PLOD2: variants seen among roughly 807,000 people sequenced by gnomAD.
The protein encoded by PLOD2 is procollagen-lysine,2-oxoglutarate 5-dioxygenase 2.
Under a neutral mutation model 101.0 loss-of-function variants are expected in PLOD2, and 65 were observed. The observed-to-expected ratio is 0.64, with a 90% CI of 0.53 to 0.79. PLOD2 has a LOEUF of 0.79. PLOD2 is among the 30% of genes least tolerant of loss of function. The pLI is 0.00. For missense variants in PLOD2, 909 were observed against 914.6 expected, an observed-to-expected ratio of 0.99 and a Z score of 0.08; for synonymous variants, 314 against 302.9, an observed-to-expected ratio of 1.04 and a Z score of -0.38.
At chr3:146,097,669 C>A (rs36160119) in intron 7 of PLOD2, among the ~76,000 whole-genome samples, 5 of 123,650 alleles carry the variant, frequency 4.0e-5, no homozygotes, top group African/African-American at 1.6e-4. Context: ...TGCGGAAGGC[C>A]GCAGGGTCCT....
intron 14 of PLOD2, 117 bp downstream of exon 14, chr3:146,077,745 A>T: frequency 1.6e-6 from 1 of 633,386 alleles, no homozygotes; most frequent in Non-Finnish European, 2.7e-6. Flanking sequence ...ACTGATGAAA[A>T]TCAACATTTT....
chr3:146,104,152 CAAT>C (rs1275056611), intron 6 of PLOD2, 124 bp downstream of exon 6: 1 of 714,806 alleles, frequency 1.4e-6, no homozygotes, highest in African/African-American at 1.8e-5. Context: ...TGTTAAGTTA[CAAT>C]AATTACAATA....
In PLOD2 at chr3:146,071,109, C is replaced by T. The variant is rs144675042; in HGVS notation, c.2054G>A (p.Arg685His). 2.5e-5 allele frequency: 41 copies of T among 1,610,124 alleles called. No individual in the cohort carries two copies. The highest frequency in any genetic ancestry group is 1.6e-4 in the Middle Eastern group (1 of 6,066). ...AAATGTAGAAGCATCATGATGAGGA[C>T]GAAGAGAACGCTGTCGTTCAGGGGA... ...KYSPERQRSLRPHHDASTFTI... is the reference protein window; with the variant it reads ...KYSPERQRSLHPHHDASTFTI... Residue 685 changes from arginine to histidine, a missense_variant, in exon 19 of 20, where the codon CGT becomes CAT. Physicochemically the swap from Arg to His is conservative, Grantham distance 29. Coordinates refer to ENST00000282903, the MANE Select transcript of PLOD2 (RefSeq NM_182943.3).
chr3:146,112,636 A>G (rs978588397), intron 3 of PLOD2, among the ~76,000 whole-genome samples: 1 of 152,124 alleles, frequency 6.6e-6, no homozygotes, highest in Non-Finnish European at 1.5e-5. Flanking sequence ...GCGGATCATG[A>G]GGTCAAGAGA....
At chr3:146,112,994 T>TAAAA (rs1170130442) in intron 3 of PLOD2, among the ~76,000 whole-genome samples, 4 of 152,040 alleles carry the variant, frequency 2.6e-5, no homozygotes, top group Non-Finnish European at 4.4e-5. Context: ...ATTTAAAAAT[T>TAAAA]AAAAAAAGTT....
chr3:146,084,277 C>T (rs1936680726), intron 11 of PLOD2, among the ~76,000 whole-genome samples: 1 of 151,912 alleles, frequency 6.6e-6, no homozygotes, highest in African/African-American at 2.4e-5. Flanking sequence ...TATAACACAG[C>T]TATACAGTTG....
At chr3:146,143,040 G>A (rs2031601161) in intron 1 of PLOD2, among the ~76,000 whole-genome samples, 1 of 152,064 alleles carries the variant, frequency 6.6e-6, no homozygotes, top group East Asian at 1.9e-4. Flanking sequence ...CTGACATTTT[G>A]CAGAATGCTT....
chr3:146,114,041 C>G (rs1160042171), intron 3 of PLOD2, among the ~76,000 whole-genome samples: 1 of 152,166 alleles, frequency 6.6e-6, no homozygotes, highest in Non-Finnish European at 1.5e-5. Context: ...TAGCCCCAGT[C>G]TCTGGTAGCA....
intron 3 of PLOD2, among the ~76,000 whole-genome samples, chr3:146,113,723 T>G (rs1211106211): frequency 6.6e-6 from 1 of 152,150 alleles, no homozygotes; most frequent in Non-Finnish European, 1.5e-5. Flanking sequence ...GATGATTGCA[T>G]TAACTGTGCA....
rs960227040 is a variant in PLOD2 at position 146,121,107 on chromosome 3, C to T, written c.338+5G>A. The T allele has an allele frequency of 6.3e-7, 1 of 1,584,986 alleles. No individual in the cohort carries two copies. The highest frequency in any genetic ancestry group is 1.7e-5 in the Admixed American group (1 of 59,934). ...ATTTTAAAATCCACAGGGTGTTTCT[C>T]CTACCATTCAGTAAACATGACAACC... is the stretch of plus-strand genomic sequence containing the variant. On this transcript the variant is annotated splice_donor_5th_base_variant and intron_variant, in intron 3 of 19. Coordinates refer to ENST00000282903, the MANE Select transcript of PLOD2 (RefSeq NM_182943.3).
chr3:146,124,132 C>T lies in PLOD2; in HGVS notation c.201+6G>A. The T allele has an allele frequency of 1.4e-6, 2 of 1,438,870 alleles. No individual in the cohort carries two copies. Among genetic ancestry groups the T allele is most frequent in the Admixed American group, 3.4e-5 (2 of 59,650 alleles). 89.1% of individuals were successfully genotyped at this position (1,438,870 alleles called of 1,614,324 possible). ...GGATCTTCATAGGTTAAAGGATATACCATACCTTCACAGTATAATTGAAAT... is the reference window on the plus strand; with the variant it reads ...GGATCTTCATAGGTTAAAGGATATATCATACCTTCACAGTATAATTGAAAT... On this transcript the variant is annotated splice_donor_region_variant and intron_variant, in intron 2 of 19. Coordinates refer to ENST00000282903, the MANE Select transcript of PLOD2 (RefSeq NM_182943.3).
intron 19 of PLOD2, 44 bp from the exon 20 acceptor site, chr3:146,070,916 C>G (rs1936102361): frequency 6.4e-7 from 1 of 1,554,424 alleles, no homozygotes; most frequent in South Asian, 1.1e-5. Flanking sequence ...TATATTTAAC[C>G]AGTGGCAAAA....
rs1011833515 is a variant in PLOD2 at position 146,071,565 on chromosome 3, G to A, written c.1849-142C>T. 19 of 770,842 alleles carry A rather than the reference G, an allele frequency of 2.5e-5. No homozygotes were observed. The African/African-American group carries it at 3.4e-4, about 14-fold the overall frequency. 47.8% of individuals were successfully genotyped at this position (770,842 alleles called of 1,614,324 possible). On this transcript the variant is annotated intron_variant, in intron 17 of 19. Coordinates refer to ENST00000282903, the MANE Select transcript of PLOD2 (RefSeq NM_182943.3). ...ATGTGGTATATCATCTGCTTTAACT[G>A]TAAAATTATCAAAATAACTTAGGTA...
chr3:146,157,899 T>C (rs368507316), intron 1 of PLOD2, among the ~76,000 whole-genome samples: 1 of 152,340 alleles, frequency 6.6e-6, no homozygotes, highest in East Asian at 1.9e-4. Flanking sequence ...TTTGCATCAG[T>C]AGATAGGGAC....
At chr3:146,077,961 A>C (rs1431818052) in intron 13 of PLOD2, 37 bp from the exon 14 acceptor site, 1 of 1,092,148 alleles carries the variant, frequency 9.2e-7, no homozygotes, top group South Asian at 1.2e-5. Context: ...GTTGACCTGT[A>C]CACCCGCTCT....
chr3:146,088,606 T>C lies in PLOD2; in HGVS notation c.985A>G (p.Lys329Glu). The C allele has an allele frequency of 6.3e-7, 1 of 1,580,566 alleles. No homozygotes were observed. The highest frequency in any genetic ancestry group is 8.7e-7 in the Non-Finnish European group (1 of 1,150,432). ...CTTACTTTGTTATGAATAAAAAGTTTAAGTGCTTCTTTTGGGTAATCCAGT... is the reference window on the plus strand; with the variant it reads ...CTTACTTTGTTATGAATAAAAAGTTCAAGTGCTTCTTTTGGGTAATCCAGT... ...LTLDYPKEALKLFIHNKEVYH... is the reference protein window; with the variant it reads ...LTLDYPKEALELFIHNKEVYH... Residue 329 changes from lysine (K) to glutamate (E), a missense_variant, in exon 9 of 20, where the codon AAA becomes GAA. Coordinates refer to ENST00000282903, the MANE Select transcript of PLOD2 (RefSeq NM_182943.3).
At position 146,104,331 on chromosome 3, in the gene PLOD2, G is replaced by A. The variant is rs1176368109; in HGVS notation, c.627C>T (p.Asn209=). 2.5e-5 allele frequency: 39 copies of A among 1,535,092 alleles called. 1 individual carries two copies. In the Admixed American group the frequency reaches 6.3e-4, roughly 25 times the overall value. ...TTTTGCATTTGTGATCCAATGTGAT[G>A]TTAATAGCTTCCTAAAACATAAGAA... ...YIDPLKREAI[N]ITLDHKCKIF... is the part of the protein sequence containing the mutation. The change falls in exon 6 of 20, where the codon AAC becomes AAT. Residue 209 remains asparagine (N), a synonymous_variant. Coordinates refer to ENST00000282903, the MANE Select transcript of PLOD2 (RefSeq NM_182943.3).
intron 16 of PLOD2, 147 bp from the exon 17 acceptor site, chr3:146,072,812 TC>T: frequency 3.1e-6 from 2 of 640,916 alleles, no homozygotes; most frequent in South Asian, 3.7e-5. Flanking sequence ...GTATTTTTTT[TC>T]TCATGGTACA....
In PLOD2 at chr3:146,081,850, G is replaced by C. The variant is rs1200397783; in HGVS notation, c.1246C>G (p.Pro416Ala). The C allele has an allele frequency of 6.2e-7, 1 of 1,612,556 alleles. No individual in the cohort carries two copies. The highest frequency in any genetic ancestry group is 1.3e-5 in the African/African-American group (1 of 74,996). Residue 416 changes from proline to alanine, a missense_variant, in exon 12 of 20, where the codon CCT becomes GCT. By Grantham distance (27) the Pro-to-Ala change is conservative. Transcript: ENST00000282903. The part of the protein sequence containing the change: ...LIEQNRKIIA[P>A]LVTRHGKLWS... ...AGCTTTCCATGACGAGTTACAAGAG[G>C]AGCAATGATCTTTCTAAAGACAGAG...
Sources: gnomAD v4.1 joint callset for allele counts (sites outside exome capture counted in the v4.1 genomes callset) on GRCh38, gnomAD v4.1.1 for gene constraint, MANE v1.5 for transcripts, NCBI Gene and HGNC (gene_info 2026-07-23, HGNC 2026-07-21) for gene names.